The following BCKDHB variants were observed in gnomAD, a reference collection of about 807,000 sequenced individuals.
BCKDHB encodes branched chain keto acid dehydrogenase E1 subunit beta.
BCKDHB carries 41 observed loss-of-function variants against 48.5 expected under a neutral mutation model. That is an observed-to-expected ratio of 0.85 (90% confidence interval 0.66 to 1.10). The LOEUF (loss-of-function observed/expected upper bound fraction) is 1.10. BCKDHB is among the 50% of genes least tolerant of loss of function. The pLI, the probability that BCKDHB is intolerant of heterozygous loss-of-function variation, is 0.00. For synonymous variants in BCKDHB, 201 were observed against 174.8 expected, an observed-to-expected ratio of 1.15 and a Z score of -1.18; for missense variants, 496 against 494.2, an observed-to-expected ratio of 1.00 and a Z score of -0.03.
intron 1 of BCKDHB, among the ~76,000 whole-genome samples, chr6:80,115,855 C>G (rs753523007): frequency 2.6e-5 from 4 of 152,054 alleles, no homozygotes; most frequent in Non-Finnish European, 5.9e-5. Context: ...CAAGGATGGT[C>G]TCAATCTCCT....
chr6:80,461,504 A>G, the BCKDHB span, among the ~76,000 whole-genome samples: 1 of 152,266 alleles, frequency 6.6e-6, no homozygotes, highest in East Asian at 1.9e-4. Context: ...AGTGTTACAA[A>G]ATAGACATCT....
At chr6:80,209,405 A>G (rs1266208489) in intron 8 of BCKDHB, among the ~76,000 whole-genome samples, 1 of 151,960 alleles carries the variant, frequency 6.6e-6, no homozygotes, top group Non-Finnish European at 1.5e-5. Context: ...TTGAAGAAGA[A>G]CAAAACTGGA....
At chr6:80,413,958 A>C in the BCKDHB span, among the ~76,000 whole-genome samples, 2 of 152,158 alleles carry the variant, frequency 1.3e-5, no homozygotes, top group African/African-American at 4.8e-5. Context: ...CCTTGTCAGC[A>C]TCTGTTACTT....
At chr6:80,407,175 G>A in the BCKDHB span, among the ~76,000 whole-genome samples, 11 of 152,224 alleles carry the variant, frequency 7.2e-5, no homozygotes, top group South Asian at 6.2e-4. Flanking sequence ...TAGATGTGTG[G>A]TGTTATTTCT....
the BCKDHB span, chr6:80,441,142 C>T: frequency 3.9e-5 from 6 of 152,070 alleles, no homozygotes; most frequent in African/African-American, 1.2e-4. Context: ...ATAAAATCAC[C>T]TTTAAAGGCA....
At chr6:80,289,650 A>C (rs941396351) in intron 9 of BCKDHB, among the ~76,000 whole-genome samples, 3 of 152,086 alleles carry the variant, frequency 2.0e-5, no homozygotes, top group African/African-American at 7.2e-5. Flanking sequence ...GTGAATGAGG[A>C]ACTGAGGGAA....
the BCKDHB span, chr6:80,440,891 C>T: frequency 2.0e-5 from 3 of 152,024 alleles, no homozygotes; most frequent in Non-Finnish European, 2.9e-5. Context: ...GGAGACAGTT[C>T]CAAGAGAGCC....
chr6:80,438,483 C>G, the BCKDHB span, among the ~76,000 whole-genome samples: 1 of 151,964 alleles, frequency 6.6e-6, no homozygotes, highest in Non-Finnish European at 1.5e-5. Context: ...TAAGTAGAAC[C>G]AAAAAGTGAT....
chr6:80,168,838 C>T (rs1398675900), intron 4 of BCKDHB, 37 bp from the exon 5 acceptor site: 10 of 1,585,622 alleles, frequency 6.3e-6, no homozygotes, highest in Non-Finnish European at 8.6e-6. Flanking sequence ...GGGAAGGACT[C>T]ATTGTGCCAT....
chr6:80,209,549 C>T (rs780797319), intron 8 of BCKDHB, among the ~76,000 whole-genome samples: 5 of 151,944 alleles, frequency 3.3e-5, no homozygotes, highest in Non-Finnish European at 7.4e-5. Context: ...TTATCTGATT[C>T]AGGACAAAGG....
rs781294324 is a variant in BCKDHB at position 80,106,689 on chromosome 6, C to A, written c.-5C>A. Reference sequence around the variant, plus strand: ...ATAGCCTGAGAATCCCGGTGGTGAGCGGGGATGGCGGTTGTAGCGGCGGCT... The same window carrying A: ...ATAGCCTGAGAATCCCGGTGGTGAGAGGGGATGGCGGTTGTAGCGGCGGCT... On this transcript the variant is annotated 5_prime_UTR_variant, in exon 1 of 10. Transcript: ENST00000320393. The A allele has an allele frequency of 5.2e-6, 8 of 1,553,074 alleles. No individual in the cohort carries two copies. Among genetic ancestry groups the A allele is most frequent in the Non-Finnish European group, 6.1e-6 (7 of 1,149,150 alleles).
the BCKDHB span, among the ~76,000 whole-genome samples, chr6:80,423,053 A>C: frequency 1.3e-5 from 2 of 152,132 alleles, no homozygotes; most frequent in African/African-American, 4.8e-5. Context: ...ATCCAATTGT[A>C]ATCCCCACAT....
chr6:80,425,005 G>A, the BCKDHB span, among the ~76,000 whole-genome samples: 1 of 152,126 alleles, frequency 6.6e-6, no homozygotes, highest in African/African-American at 2.4e-5. Flanking sequence ...TTGTACTAAT[G>A]CAAAGAAGAG....
chr6:80,400,127 C>T, the BCKDHB span, among the ~76,000 whole-genome samples: 8 of 151,648 alleles, frequency 5.3e-5, no homozygotes, highest in Non-Finnish European at 1.0e-4. Context: ...CAATAAAAAC[C>T]CTGGAAGACA....
chr6:80,356,699 AT>A, the BCKDHB span: 2 of 152,184 alleles, frequency 1.3e-5, no homozygotes, highest in Non-Finnish European at 2.9e-5. Flanking sequence ...GTAATAAAAT[AT>A]TTACTATGTG....
At chr6:80,211,225 A>G (rs1774918896) in intron 8 of BCKDHB, among the ~76,000 whole-genome samples, 2 of 152,316 alleles carry the variant, frequency 1.3e-5, no homozygotes, top group Non-Finnish European at 2.9e-5. Context: ...TATAATTCTG[A>G]CATGTTTAAA....
At chr6:80,314,479 TAGAG>T (rs904580334) in intron 9 of BCKDHB, among the ~76,000 whole-genome samples, 2 of 151,954 alleles carry the variant, frequency 1.3e-5, no homozygotes, top group East Asian at 1.9e-4. Flanking sequence ...CCCGCTGTCT[TAGAG>T]AGAAATTAGA....
chr6:80,325,418 A>G (rs1271221470), intron 9 of BCKDHB, among the ~76,000 whole-genome samples: 2 of 152,340 alleles, frequency 1.3e-5, no homozygotes, highest in East Asian at 3.9e-4. Context: ...AGACCCTGCA[A>G]TCTATTTGTC....
chr6:80,417,788 G>A, the BCKDHB span, among the ~76,000 whole-genome samples: 9 of 152,072 alleles, frequency 5.9e-5, no homozygotes. Context: ...TTTCAACTAT[G>A]GGGAATCTGA....
Sources: allele counts gnomAD v4.1 joint callset (sites outside exome capture counted in the v4.1 genomes callset), GRCh38; gene constraint gnomAD v4.1.1; transcripts MANE v1.5; gene names NCBI Gene and HGNC (gene_info 2026-07-23, HGNC 2026-07-21).